Variants in SLC9B2 observed in about 807,000 individuals in gnomAD.
The protein encoded by SLC9B2 is solute carrier family 9 member B2.
In SLC9B2, 39 loss-of-function variants were observed where a neutral mutation model predicts 52.2. The observed-to-expected ratio is 0.75, with a 90% CI of 0.58 to 0.98. The LOEUF is 0.98. Ranked by LOEUF, SLC9B2 falls within the 50% of genes least tolerant of loss-of-function variation. SLC9B2 has a pLI of 0.00. For missense variants in SLC9B2, 626 were observed against 637.5 expected, an observed-to-expected ratio of 0.98 and a Z score of 0.19; for synonymous variants, 214 against 227.0, an observed-to-expected ratio of 0.94 and a Z score of 0.51.
At chr4:103,069,898 C>T (rs969183855) in intron 1 of SLC9B2, among the ~76,000 whole-genome samples, 4 of 152,086 alleles carry the variant, frequency 2.6e-5, no homozygotes, top group East Asian at 3.8e-4. Context: ...TAAAATGAAG[C>T]CTTTGCGAAC....
chr4:103,023,021 C>G lies in SLC9B2; in HGVS notation c.*3349G>C, dbSNP rs1741908520. Among the ~76,000 whole-genome samples the G allele has an allele frequency of 6.6e-6, 1 of 152,174 alleles. No homozygotes were observed. Among genetic ancestry groups the G allele is most frequent in the Non-Finnish European group, 1.5e-5 (1 of 68,026 alleles). On this transcript the variant is annotated 3_prime_UTR_variant, in exon 12 of 12. Transcript: ENST00000394785. ...TGGCATCCTGATCTCGAACTTCCAACCTTTAATAGAAGTAAGTTTCTGTTG... is the reference window on the plus strand; with the variant it reads ...TGGCATCCTGATCTCGAACTTCCAAGCTTTAATAGAAGTAAGTTTCTGTTG...
intron 1 of SLC9B2, among the ~76,000 whole-genome samples, chr4:103,073,960 C>G (rs1278203003): frequency 6.6e-6 from 1 of 152,196 alleles, no homozygotes; most frequent in Non-Finnish European, 1.5e-5. Context: ...CTCTGTAACA[C>G]CATTCCTCTT....
At chr4:103,065,281 G>C (rs574817703) in intron 3 of SLC9B2, 2 of 152,046 alleles carry the variant, frequency 1.3e-5, no homozygotes, top group South Asian at 4.2e-4. Flanking sequence ...TTAGACAGGA[G>C]GAATAAGTTT....
chr4:103,076,455 G>C lies in SLC9B2; in HGVS notation c.-314C>G, dbSNP rs1477422836. On this transcript the variant is annotated 5_prime_UTR_variant, in exon 1 of 12. Transcript: ENST00000394785. ...GGCGCCGGTACAGGCTCCGGAGTAAGCATGGGTTGGTCCGGGGCCCGCAGC... is the reference window on the plus strand; with the variant it reads ...GGCGCCGGTACAGGCTCCGGAGTAACCATGGGTTGGTCCGGGGCCCGCAGC... 6.6e-6 allele frequency: 1 copy of C among 152,280 alleles called. No individual in the cohort carries two copies. The highest frequency in any genetic ancestry group is 1.5e-5 in the Non-Finnish European group (1 of 68,074). The allele number at this position is 152,280 out of a possible 1,614,324, so 9.4% of individuals were successfully genotyped here. A position where few individuals can be genotyped will look rare whatever the true frequency, so the allele number is the denominator to read the frequency against.
At chr4:103,038,673 A>AAAGTTAAG (rs1412149277) in intron 9 of SLC9B2, among the ~76,000 whole-genome samples, 1 of 152,200 alleles carries the variant, frequency 6.6e-6, no homozygotes, top group Non-Finnish European at 1.5e-5. Flanking sequence ...AACAAAGGAG[A>AAAGTTAAG]AAGTTAAGAT....
chr4:103,019,065 T>G (rs1489379845), downstream of SLC9B2, among the ~76,000 whole-genome samples: 1 of 152,068 alleles, frequency 6.6e-6, no homozygotes, highest in African/African-American at 2.4e-5. Flanking sequence ...ATGAAACTGA[T>G]CCCTGGTGCC....
In SLC9B2 at chr4:103,042,840, T is replaced by A. The variant is rs911092828; in HGVS notation, c.1146+456A>T. Among the ~76,000 whole-genome samples the A allele has an allele frequency of 4.4e-4, 67 of 151,934 alleles. 1 individual carries two copies. The highest frequency in any genetic ancestry group is 4.4e-3 in the Admixed American group (67 of 15,266). On this transcript the variant is annotated intron_variant, in intron 9 of 11. Transcript: ENST00000394785. ...TATTTTAAGACACATATTTTTATAT[T>A]TTAACATTTCTGAAATTAGAATGTT...
chr4:103,072,779 T>C (rs1289321949), intron 1 of SLC9B2, among the ~76,000 whole-genome samples: 2 of 152,206 alleles, frequency 1.3e-5, no homozygotes, highest in African/African-American at 2.4e-5. Context: ...AGTAATCTTA[T>C]GGAGAATTTA....
At chr4:103,036,692 C>T in intron 9 of SLC9B2, among the ~76,000 whole-genome samples, 1 of 148,472 alleles carries the variant, frequency 6.7e-6, no homozygotes, top group African/African-American at 2.5e-5. Flanking sequence ...TGGAAAAATA[C>T]TAAAAGGTTT....
At chr4:103,040,060 A>G (rs900095818) in intron 9 of SLC9B2, among the ~76,000 whole-genome samples, 3 of 152,122 alleles carry the variant, frequency 2.0e-5, no homozygotes, top group African/African-American at 7.2e-5. Flanking sequence ...AAGTTGCTCT[A>G]ATGTTTACCT....
chr4:103,028,384 A>T (rs1400946449), intron 11 of SLC9B2, among the ~76,000 whole-genome samples: 5 of 152,074 alleles, frequency 3.3e-5, no homozygotes, highest in Admixed American at 3.3e-4. Context: ...TGTTATTTCT[A>T]TTTTACTCTC....
At chr4:103,060,233 C>A (rs1745504183) in intron 3 of SLC9B2, among the ~76,000 whole-genome samples, 1 of 151,514 alleles carries the variant, frequency 6.6e-6, no homozygotes, top group Admixed American at 6.6e-5. Context: ...TATCTTTCAT[C>A]TTTGTGTGTA....
chr4:103,050,425 C>A, intron 4 of SLC9B2, 43 bp from the exon 5 acceptor site: 1 of 1,497,822 alleles, frequency 6.7e-7, no homozygotes, highest in Non-Finnish European at 8.9e-7. Context: ...TTTTCAAATA[C>A]AGAAAATATT....
chr4:103,073,652 T>C (rs991184235), intron 1 of SLC9B2, among the ~76,000 whole-genome samples: 2 of 152,204 alleles, frequency 1.3e-5, no homozygotes, highest in African/African-American at 4.8e-5. Context: ...AGTAATTTCA[T>C]TGACTCATGA....
chr4:103,047,729 C>CT (rs1344673496), intron 6 of SLC9B2, among the ~76,000 whole-genome samples: 1 of 152,044 alleles, frequency 6.6e-6, no homozygotes. Context: ...TGAACTCATC[C>CT]TTTTTTATGG....
chr4:103,069,027 AGTTT>A (rs1026620239), intron 1 of SLC9B2, among the ~76,000 whole-genome samples: 5 of 152,146 alleles, frequency 3.3e-5, no homozygotes, highest in African/African-American at 1.2e-4. Context: ...AAAAACCTTT[AGTTT>A]GTTTTTTATT....
downstream of SLC9B2, among the ~76,000 whole-genome samples, chr4:103,018,342 TC>T (rs1171054181): frequency 6.6e-6 from 1 of 152,072 alleles, no homozygotes; most frequent in Non-Finnish European, 1.5e-5. Flanking sequence ...GTGCAATATA[TC>T]CACACAACAA....
chr4:103,026,247 A>C lies in SLC9B2; in HGVS notation c.*123T>G. On this transcript the variant is annotated 3_prime_UTR_variant, in exon 12 of 12. Transcript: ENST00000394785. ...AGAGCAAGGGCTAAAAATGCTGTTT[A>C]AAGAAACAGCTACACTTTTGGTTCT... 1 of 895,302 alleles carries C rather than the reference A, an allele frequency of 1.1e-6. No individual in the cohort carries two copies. The highest frequency in any genetic ancestry group is 1.7e-6 in the Non-Finnish European group (1 of 593,090). The allele number at this position is 895,302 out of a possible 1,614,324, so 55.5% of individuals were successfully genotyped here.
At chr4:103,019,276 C>T (rs1741608671), downstream of SLC9B2, among the ~76,000 whole-genome samples, 5 of 152,106 alleles carry the variant, frequency 3.3e-5, no homozygotes. Context: ...ATAGTACACG[C>T]TTAATAAAAT....
Sources: allele counts gnomAD v4.1 joint callset (sites outside exome capture counted in the v4.1 genomes callset), GRCh38; gene constraint gnomAD v4.1.1; transcripts MANE v1.5; gene names NCBI Gene and HGNC (gene_info 2026-07-23, HGNC 2026-07-21).